PPHLN1: variants seen among roughly 807,000 people sequenced by gnomAD.
PPHLN1 encodes periphilin 1.
PPHLN1 carries 29 observed loss-of-function variants against 51.3 expected under a neutral mutation model. The observed-to-expected ratio is 0.57, with a 90% CI of 0.42 to 0.77. The LOEUF (loss-of-function observed/expected upper bound fraction) is 0.77. Ranked by LOEUF, PPHLN1 falls within the 30% of genes least tolerant of loss-of-function variation. The probability of loss-of-function intolerance (pLI) is 0.00; values close to 1 mark genes in which losing one functional copy is unlikely to be tolerated. For synonymous variants in PPHLN1, 147 were observed against 147.8 expected (o/e 0.99, Z 0.04); for missense variants, 436 against 438.4 (o/e 0.99, Z 0.05).
intron 9 of PPHLN1, among the ~76,000 whole-genome samples, chr12:42,401,260 C>T (rs1400199516): frequency 6.6e-6 from 1 of 152,148 alleles, no homozygotes; most frequent in Non-Finnish European, 1.5e-5. Context: ...AACTTGCCAT[C>T]TGTAGAAGGA....
At chr12:42,417,281 A>G (rs140481331) in intron 9 of PPHLN1, among the ~76,000 whole-genome samples, 1 of 152,368 alleles carries the variant, frequency 6.6e-6, no homozygotes, top group Non-Finnish European at 1.5e-5. Flanking sequence ...GCACAGATAT[A>G]GGAACTAATC....
At chr12:42,418,430 C>T (rs1189529118) in intron 9 of PPHLN1, among the ~76,000 whole-genome samples, 1 of 151,926 alleles carries the variant, frequency 6.6e-6, no homozygotes, top group African/African-American at 2.4e-5. Context: ...ATTTGAAATC[C>T]TCCAGTGGTT....
intron 9 of PPHLN1, among the ~76,000 whole-genome samples, chr12:42,434,429 T>C (rs150790221): frequency 6.6e-6 from 1 of 152,376 alleles, no homozygotes; most frequent in Non-Finnish European, 1.5e-5. Flanking sequence ...TGAGCTGCTC[T>C]TGCAAATGAT....
chr12:42,408,705 A>C (rs564177561), intron 9 of PPHLN1, among the ~76,000 whole-genome samples: 1 of 152,200 alleles, frequency 6.6e-6, no homozygotes, highest in African/African-American at 2.4e-5. Flanking sequence ...TAATGTTAGA[A>C]TGAAGTGAGT....
In PPHLN1 at chr12:42,442,030, G is replaced by C; in HGVS notation, c.*521G>C. 3 of 935,412 alleles carry C rather than the reference G, an allele frequency of 3.2e-6. No homozygotes were observed. Among genetic ancestry groups the C allele is most frequent in the Non-Finnish European group, 3.8e-6 (3 of 784,498 alleles). The allele number at this position is 935,412 out of a possible 1,614,324, so 57.9% of individuals were successfully genotyped here. A position where few individuals can be genotyped will look rare whatever the true frequency, so the allele number is the denominator to read the frequency against. On this transcript the variant is annotated 3_prime_UTR_variant, in exon 10 of 10. Transcript: ENST00000358314. Reference sequence around the variant, plus strand: ...ACTTAAATCTCTGAGAGATACCTCAGAAAAAAATCCGTTTTTCCAAGTAAT... The same window carrying C: ...ACTTAAATCTCTGAGAGATACCTCACAAAAAAATCCGTTTTTCCAAGTAAT...
Position 42,441,565 on chromosome 12 carries a change from T to C in PPHLN1, c.*56T>C, listed in dbSNP as rs1299598117. The C allele has an allele frequency of 6.9e-7, 1 of 1,454,650 alleles. No homozygotes were observed. The highest frequency in any genetic ancestry group is 1.4e-5 in the African/African-American group (1 of 69,902). 90.1% of individuals were successfully genotyped at this position (1,454,650 alleles called of 1,614,324 possible). A position where few individuals can be genotyped will look rare whatever the true frequency, so the allele number is the denominator to read the frequency against. ...AACAGTTTCTAAAAATTTTTTTTCCTGGATTGTGTAAATCCTTAATATATG... is the reference window on the plus strand; with the variant it reads ...AACAGTTTCTAAAAATTTTTTTTCCCGGATTGTGTAAATCCTTAATATATG... On this transcript the variant is annotated 3_prime_UTR_variant, in exon 10 of 10. Transcript: ENST00000358314.
chr12:42,441,172 C>A, intron 9 of PPHLN1, 143 bp from the exon 10 acceptor site: 1 of 1,167,400 alleles, frequency 8.6e-7, no homozygotes, highest in Non-Finnish European at 1.2e-6. Context: ...GTAATAGTGA[C>A]AATGCAAGGG....
At chr12:42,355,073 C>T (rs564872674) in intron 3 of PPHLN1, 88 bp from the exon 4 acceptor site, 32 of 1,189,632 alleles carry the variant, frequency 2.7e-5, no homozygotes, top group South Asian at 3.7e-5. Context: ...TAGGGAAATT[C>T]GGTCTAGTTT....
intron 5 of PPHLN1, among the ~76,000 whole-genome samples, chr12:42,381,477 G>A (rs933619457): frequency 1.3e-5 from 2 of 152,210 alleles, no homozygotes; most frequent in African/African-American, 4.8e-5. Flanking sequence ...CTACTCAGAA[G>A]TGTGCTTCCA....
intron 4 of PPHLN1, among the ~76,000 whole-genome samples, chr12:42,374,428 C>T (rs1360581711): frequency 2.6e-5 from 3 of 113,484 alleles, no homozygotes; most frequent in East Asian, 2.7e-4. Flanking sequence ...AAAAAGAGAA[C>T]CAAGAGTACA....
At chr12:42,433,976 C>T (rs190446705) in intron 9 of PPHLN1, among the ~76,000 whole-genome samples, 1 of 152,294 alleles carries the variant, frequency 6.6e-6, no homozygotes, top group Non-Finnish European at 1.5e-5. Context: ...ACCAAAAGTT[C>T]AGGGTTTGGA....
At chr12:42,327,385 G>A (rs1434848155) in intron 1 of PPHLN1, among the ~76,000 whole-genome samples, 1 of 152,128 alleles carries the variant, frequency 6.6e-6, no homozygotes, top group Non-Finnish European at 1.5e-5. Context: ...CCCTTTCTCT[G>A]ACCCTGCATT....
intron 9 of PPHLN1, among the ~76,000 whole-genome samples, chr12:42,425,608 C>T (rs986651998): frequency 3.4e-5 from 5 of 145,408 alleles, no homozygotes; most frequent in African/African-American, 1.3e-4. Flanking sequence ...AGGCTGGTCT[C>T]GAACTCCTGA....
intron 2 of PPHLN1, among the ~76,000 whole-genome samples, chr12:42,339,195 T>C (rs1329030760): frequency 6.6e-6 from 1 of 152,214 alleles, no homozygotes; most frequent in African/African-American, 2.4e-5. Flanking sequence ...GGAGCCTAGA[T>C]TGTTTTTCTC....
chr12:42,390,362 A>G (rs996223075), intron 7 of PPHLN1, among the ~76,000 whole-genome samples: 1 of 152,206 alleles, frequency 6.6e-6, no homozygotes, highest in Admixed American at 6.5e-5. Context: ...CTTGGTTTTC[A>G]TGTCAGGTAA....
intron 3 of PPHLN1, among the ~76,000 whole-genome samples, chr12:42,353,964 T>C (rs1013979470): frequency 1.3e-5 from 2 of 152,202 alleles, no homozygotes; most frequent in African/African-American, 2.4e-5. Flanking sequence ...AGCATACTTG[T>C]GATCCTTAAG....
At chr12:42,332,751 T>A in intron 1 of PPHLN1, 1 of 1,148,526 alleles carries the variant, frequency 8.7e-7, no homozygotes, top group Non-Finnish European at 1.3e-6. Context: ...GTTACATTTT[T>A]TGTGGGACAC....
chr12:42,441,999 T>C lies in PPHLN1; in HGVS notation c.*490T>C. ...GAGTAATTCTCATTCAATGATAAAA[T>C]AGAGCACTTAAATCTCTGAGAGATA... On this transcript the variant is annotated 3_prime_UTR_variant, in exon 10 of 10. Coordinates refer to ENST00000358314, the MANE Select transcript of PPHLN1 (RefSeq NM_201439.2). The C allele has an allele frequency of 1.4e-5, 13 of 958,766 alleles. No individual in the cohort carries two copies. The highest frequency in any genetic ancestry group is 1.6e-5 in the Non-Finnish European group (13 of 805,486). The allele number at this position is 958,766 out of a possible 1,614,324, so 59.4% of individuals were successfully genotyped here. A position where few individuals can be genotyped will look rare whatever the true frequency, so the allele number is the denominator to read the frequency against.
intron 1 of PPHLN1, chr12:42,332,697 A>G (rs757538945): frequency 1.3e-6 from 2 of 1,537,530 alleles, no homozygotes; most frequent in Non-Finnish European, 1.8e-6. Context: ...TCCTAAAAGG[A>G]CTCAAGTAAG....
Sources: allele counts gnomAD v4.1 joint callset (sites outside exome capture counted in the v4.1 genomes callset), GRCh38; gene constraint gnomAD v4.1.1; transcripts MANE v1.5; gene names NCBI Gene and HGNC (gene_info 2026-07-23, HGNC 2026-07-21).